Variants in HS6ST3 observed in about 807,000 individuals in gnomAD.
The protein encoded by HS6ST3 is heparan sulfate 6-O-sulfotransferase 3.
HS6ST3 carries 12 observed loss-of-function variants against 36.7 expected under a neutral mutation model. The ratio of observed to expected loss-of-function variants is 0.33; its 90% confidence interval spans 0.21 to 0.53. The LOEUF (loss-of-function observed/expected upper bound fraction) is 0.53, where lower values mean the gene tolerates loss of function less well. HS6ST3 is among the 20% of genes least tolerant of loss of function. The pLI is 0.95. For missense variants in HS6ST3, 584 were observed against 640.9 expected, an observed-to-expected ratio of 0.91 and a Z score of 0.96; for synonymous variants, 240 against 257.5, an observed-to-expected ratio of 0.93 and a Z score of 0.65.
intron 1 of HS6ST3, among the ~76,000 whole-genome samples, chr13:96,607,547 G>A (rs1287160944): frequency 1.3e-5 from 2 of 152,160 alleles, no homozygotes; most frequent in African/African-American, 2.4e-5. Context: ...AGTAAATGGG[G>A]CAGAAAAGGA....
At chr13:96,316,076 A>G (rs1279652049) in intron 1 of HS6ST3, among the ~76,000 whole-genome samples, 1 of 152,196 alleles carries the variant, frequency 6.6e-6, no homozygotes, top group Non-Finnish European at 1.5e-5. Flanking sequence ...GTATAGACTC[A>G]TGGTAAGTGC....
intron 1 of HS6ST3, among the ~76,000 whole-genome samples, chr13:96,654,092 T>C (rs1309689010): frequency 1.3e-5 from 2 of 152,234 alleles, no homozygotes; most frequent in East Asian, 3.9e-4. Flanking sequence ...AAGTTCCTTG[T>C]AGATTCTGGC....
chr13:96,722,656 A>G (rs78651331), intron 1 of HS6ST3, among the ~76,000 whole-genome samples: 5 of 152,162 alleles, frequency 3.3e-5, no homozygotes, highest in African/African-American at 9.7e-5. Context: ...AATAATATCT[A>G]TCTTGTAGTT....
chr13:96,115,039 C>T (rs919239082), intron 1 of HS6ST3, among the ~76,000 whole-genome samples: 5 of 152,194 alleles, frequency 3.3e-5, no homozygotes, highest in Non-Finnish European at 4.4e-5. Context: ...TGACCTTGTG[C>T]TGACCTTTGG....
At chr13:96,324,607 A>G (rs2055021061) in intron 1 of HS6ST3, among the ~76,000 whole-genome samples, 1 of 152,220 alleles carries the variant, frequency 6.6e-6, no homozygotes, top group South Asian at 2.1e-4. Context: ...ATTTGGAAAT[A>G]GGGTCTTTGT....
intron 1 of HS6ST3, among the ~76,000 whole-genome samples, chr13:96,753,355 G>A (rs1050803803): frequency 3.9e-5 from 6 of 152,046 alleles, no homozygotes; most frequent in Non-Finnish European, 7.4e-5. Flanking sequence ...CCTGAACATG[G>A]TACATCTCTT....
intron 1 of HS6ST3, among the ~76,000 whole-genome samples, chr13:96,657,135 T>G (rs768023938): frequency 6.6e-6 from 1 of 151,994 alleles, no homozygotes; most frequent in Non-Finnish European, 1.5e-5. Flanking sequence ...TCCCTAATAT[T>G]TATTCAGCAC....
intron 1 of HS6ST3, among the ~76,000 whole-genome samples, chr13:96,506,691 A>T (rs541919739): frequency 1.3e-5 from 2 of 152,258 alleles, no homozygotes; most frequent in South Asian, 2.1e-4. Flanking sequence ...AGCACTTATA[A>T]GGTACGTACA....
intron 1 of HS6ST3, among the ~76,000 whole-genome samples, chr13:96,251,342 C>T (rs2054607088): frequency 6.6e-6 from 1 of 152,022 alleles, no homozygotes; most frequent in South Asian, 2.1e-4. Flanking sequence ...AAGAATGTAT[C>T]CATTTTGTCT....
intron 1 of HS6ST3, among the ~76,000 whole-genome samples, chr13:96,135,740 C>G (rs531828768): frequency 7.9e-5 from 12 of 152,244 alleles, no homozygotes; most frequent in Non-Finnish European, 1.6e-4. Flanking sequence ...GGATGGTGCC[C>G]GGTTCAAGAG....
At chr13:96,116,809 GATT>G (rs765511885) in intron 1 of HS6ST3, among the ~76,000 whole-genome samples, 2 of 152,126 alleles carry the variant, frequency 1.3e-5, no homozygotes, top group Non-Finnish European at 2.9e-5. Context: ...GTTTTGTTGT[GATT>G]ATGTTGGCAC....
In HS6ST3 at chr13:96,294,679, T is replaced by C. The variant is rs143851276; in HGVS notation, c.707+203110T>C. Among the ~76,000 whole-genome samples the C allele has an allele frequency of 7.4e-4, 112 of 152,278 alleles. 2 individuals carry two copies. Among genetic ancestry groups the C allele is most frequent in the African/African-American group, 2.5e-3 (105 of 41,574 alleles). On this transcript the variant is annotated intron_variant, in intron 1 of 1. Coordinates refer to ENST00000376705, the MANE Select transcript of HS6ST3 (RefSeq NM_153456.4). ...ATTAGAGTTTTGTGTAAAAAGGCCA[T>C]GATTATAAGTTTATATGCTTATATA...
chr13:96,318,667 T>C (rs2054988529), intron 1 of HS6ST3, among the ~76,000 whole-genome samples: 1 of 152,058 alleles, frequency 6.6e-6, no homozygotes, highest in Non-Finnish European at 1.5e-5. Context: ...CATTACTTGT[T>C]TTTTTTGGCC....
At chr13:96,719,738 A>G (rs1253995022) in intron 1 of HS6ST3, among the ~76,000 whole-genome samples, 1 of 152,174 alleles carries the variant, frequency 6.6e-6, no homozygotes, top group Non-Finnish European at 1.5e-5. Context: ...TAGTTAAATA[A>G]TTTAGCACCT....
intron 1 of HS6ST3, among the ~76,000 whole-genome samples, chr13:96,575,390 A>G (rs2056316927): frequency 6.6e-6 from 1 of 152,216 alleles, no homozygotes; most frequent in Non-Finnish European, 1.5e-5. Context: ...GTTCTCAGAA[A>G]CATAGATGGG....
At chr13:96,162,804 T>G (rs2054142094) in intron 1 of HS6ST3, among the ~76,000 whole-genome samples, 1 of 152,188 alleles carries the variant, frequency 6.6e-6, no homozygotes, top group Non-Finnish European at 1.5e-5. Context: ...GTGTTTTGTG[T>G]TTGGATTATG....
chr13:96,527,085 C>CT (rs5805975), intron 1 of HS6ST3, among the ~76,000 whole-genome samples: 7 of 149,920 alleles, frequency 4.7e-5, no homozygotes, highest in East Asian at 2.0e-4. Flanking sequence ...TATTGGTTCA[C>CT]TTTTTTTTTT....
chr13:96,419,774 G>A (rs1054753100), intron 1 of HS6ST3, among the ~76,000 whole-genome samples: 3 of 152,098 alleles, frequency 2.0e-5, no homozygotes, highest in African/African-American at 7.2e-5. Context: ...CATCACTCCA[G>A]TCTCTGCCTC....
chr13:96,168,453 C>T (rs926010072), intron 1 of HS6ST3, among the ~76,000 whole-genome samples: 3 of 152,058 alleles, frequency 2.0e-5, no homozygotes, highest in Non-Finnish European at 2.9e-5. Flanking sequence ...TGTCTGTAAT[C>T]CCAGCACTTT....
Sources: gnomAD v4.1 joint callset for allele counts (sites outside exome capture counted in the v4.1 genomes callset) on GRCh38, gnomAD v4.1.1 for gene constraint, MANE v1.5 for transcripts, NCBI Gene and HGNC (gene_info 2026-07-23, HGNC 2026-07-21) for gene names.